The following TEX11 variants were observed in gnomAD, a reference collection of about 807,000 sequenced individuals.
The protein encoded by TEX11 is testis-expressed protein 11.
A neutral mutation model predicts 84.4 loss-of-function variants in TEX11; 7 were observed. The observed-to-expected ratio is 0.08, with a 90% CI of 0.05 to 0.16. TEX11 has a LOEUF of 0.16. TEX11 is among the 10% of genes least tolerant of loss of function. TEX11 has a pLI of 1.00. For synonymous variants in TEX11, 264 were observed against 222.8 expected, an observed-to-expected ratio of 1.18 and a Z score of -1.64; for missense variants, 551 against 660.5, an observed-to-expected ratio of 0.83 and a Z score of 1.82.
intron 8 of TEX11, among the ~76,000 whole-genome samples, chrX:70,817,519 G>A (rs1205322167): frequency 1.8e-5 from 2 of 111,792 alleles, no homozygotes; most frequent in African/African-American, 3.3e-5. Flanking sequence ...GCTGCAGTGA[G>A]CTAAAAATAC....
intron 9 of TEX11, among the ~76,000 whole-genome samples, chrX:70,779,949 A>T (rs752428792): frequency 8.0e-5 from 9 of 112,141 alleles, no homozygotes; most frequent in Non-Finnish European, 1.1e-4. Flanking sequence ...AATATTTTTT[A>T]AAAAACTAAT....
intron 1 of TEX11, 64 bp from the exon 2 acceptor site, chrX:70,907,874 C>A: frequency 5.4e-6 from 4 of 745,009 alleles, no homozygotes; most frequent in Non-Finnish European, 8.2e-6. Context: ...AAATTTCTTT[C>A]CAGTGAAATG....
At chrX:70,749,764 G>A (rs1442151954) in intron 9 of TEX11, among the ~76,000 whole-genome samples, 2 of 106,739 alleles carry the variant, frequency 1.9e-5, no homozygotes, top group Admixed American at 1.0e-4. Flanking sequence ...GCATCCCAGG[G>A]ATGAAGCCCA....
intron 11 of TEX11, among the ~76,000 whole-genome samples, chrX:70,725,845 T>G (rs1424735635): frequency 1.8e-5 from 2 of 112,049 alleles, no homozygotes; most frequent in Non-Finnish European, 3.8e-5. Context: ...CACTTTCGCC[T>G]GACAGGGTAC....
intron 24 of TEX11, among the ~76,000 whole-genome samples, chrX:70,594,721 T>C (rs1044309695): frequency 3.6e-5 from 4 of 110,907 alleles, no homozygotes; most frequent in African/African-American, 1.3e-4. Flanking sequence ...GGTAATTGAA[T>C]CATGGGGGCA....
chrX:70,670,620 C>T, intron 15 of TEX11, 106 bp from the exon 16 acceptor site: 1 of 895,180 alleles, frequency 1.1e-6, no homozygotes, highest in South Asian at 2.9e-5. Context: ...CTTTTTTAGG[C>T]AATCAAAACA....
At chrX:70,660,271 T>C (rs187860205) in intron 16 of TEX11, among the ~76,000 whole-genome samples, 10 of 111,876 alleles carry the variant, frequency 8.9e-5, no homozygotes, top group Admixed American at 2.8e-4. Context: ...ATACTTAGGC[T>C]ACACTCAATT....
intron 9 of TEX11, among the ~76,000 whole-genome samples, chrX:70,754,484 C>T (rs1319968049): frequency 8.9e-6 from 1 of 111,762 alleles, no homozygotes; most frequent in Non-Finnish European, 1.9e-5. Flanking sequence ...GTCCCTGGCT[C>T]CCAAATGGCA....
intron 9 of TEX11, among the ~76,000 whole-genome samples, chrX:70,748,226 C>T (rs944356545): frequency 1.6e-4 from 18 of 111,120 alleles, no homozygotes; most frequent in African/African-American, 5.9e-4. Context: ...ATCGACACAT[C>T]CAAGAAGCTC....
chrX:70,563,579 T>C (rs1237268075), intron 25 of TEX11, among the ~76,000 whole-genome samples: 2 of 111,858 alleles, frequency 1.8e-5, no homozygotes, highest in Non-Finnish European at 3.8e-5. Context: ...GTGGTGATAG[T>C]GTATATCCAT....
At chrX:70,865,627 C>T (rs1479114162) in intron 4 of TEX11, among the ~76,000 whole-genome samples, 19 of 111,394 alleles carry the variant, frequency 1.7e-4, no homozygotes, top group African/African-American at 5.6e-4. Context: ...ATTCTAAAAT[C>T]GACCACATAA....
intron 13 of TEX11, among the ~76,000 whole-genome samples, chrX:70,717,301 G>T (rs2090514042): frequency 9.1e-6 from 1 of 110,305 alleles, no homozygotes; most frequent in South Asian, 3.7e-4. Context: ...GTCCATTACA[G>T]AACTTCATTC....
chrX:70,854,469 G>A (rs758394226), intron 5 of TEX11, among the ~76,000 whole-genome samples: 2 of 111,540 alleles, frequency 1.8e-5, no homozygotes, highest in East Asian at 2.8e-4. Context: ...TGTGGCTCAC[G>A]CCTGTAATCC....
chrX:70,830,952 T>G (rs1006333252), intron 8 of TEX11, among the ~76,000 whole-genome samples: 4 of 112,027 alleles, frequency 3.6e-5, no homozygotes, highest in Non-Finnish European at 7.5e-5. Flanking sequence ...GCAATCTCAC[T>G]TCTGGATATA....
intron 25 of TEX11, among the ~76,000 whole-genome samples, chrX:70,587,006 G>C (rs1177612054): frequency 8.9e-6 from 1 of 112,104 alleles, no homozygotes; most frequent in African/African-American, 3.2e-5. Context: ...CTGGAGCAAA[G>C]GTCACTCTTG....
intron 11 of TEX11, among the ~76,000 whole-genome samples, chrX:70,728,074 T>C (rs192205780): frequency 1.4e-4 from 16 of 112,828 alleles, no homozygotes; most frequent in Admixed American, 1.3e-3. Context: ...GATTCAACCA[T>C]GTAGATATGT....
intron 3 of TEX11, 68 bp from the exon 4 acceptor site, chrX:70,873,375 T>C: frequency 1.4e-6 from 1 of 738,661 alleles, no homozygotes; most frequent in South Asian, 2.4e-5. Flanking sequence ...TTTTCATTCT[T>C]GAATGTTGTA....
chrX:70,724,238 G>C (rs755287072), intron 12 of TEX11: 3 of 750,173 alleles, frequency 4.0e-6, no homozygotes, highest in African/African-American at 2.3e-5. Flanking sequence ...CAAAAAAGTA[G>C]AGTTGTCTTC....
Position 70,610,373 on chromosome X carries a change from C to T in TEX11, c.1792+130G>A, listed in dbSNP as rs2089246360. On this transcript the variant is annotated intron_variant, in intron 21 of 29. Coordinates refer to ENST00000374333, the MANE Select transcript of TEX11 (RefSeq NM_031276.3). The stretch of plus-strand genomic sequence containing the variant: ...AAGAAACCAAAATAGATTCCTGTGG[C>T]AAAGATTAATAAGGAGCATGAAGCT... 5.2e-6 allele frequency: 3 copies of T among 579,297 alleles called. No homozygotes were observed. The Admixed American group carries it at 1.1e-4, about 21-fold the overall frequency. The allele number at this position is 579,297 out of a possible 1,213,427, so 47.7% of individuals were successfully genotyped here.
Sources: allele counts gnomAD v4.1 joint callset (sites outside exome capture counted in the v4.1 genomes callset), GRCh38; gene constraint gnomAD v4.1.1; transcripts MANE v1.5; gene names NCBI Gene and HGNC (gene_info 2026-07-23, HGNC 2026-07-21).